Variants in PDE4B observed in about 807,000 individuals in gnomAD.
The protein encoded by PDE4B is phosphodiesterase 4B, also known as 3',5'-cyclic-AMP phosphodiesterase 4B.
A neutral mutation model predicts 82.2 loss-of-function variants in PDE4B; 20 were observed. The observed-to-expected ratio is 0.24, with a 90% CI of 0.17 to 0.35. The LOEUF is 0.35. PDE4B is among the 10% of genes least tolerant of loss of function. The pLI, the probability that PDE4B is intolerant of heterozygous loss-of-function variation, is 1.00. For synonymous variants in PDE4B, 320 were observed against 318.9 expected, an observed-to-expected ratio of 1.00 and a Z score of -0.04; for missense variants, 655 against 907.2, an observed-to-expected ratio of 0.72 and a Z score of 3.57.
chr1:66,000,833 CAA>C (rs1651825913), intron 3 of PDE4B, among the ~76,000 whole-genome samples: 1 of 152,146 alleles, frequency 6.6e-6, no homozygotes, highest in Non-Finnish European at 1.5e-5. Flanking sequence ...AGTGTAGCTT[CAA>C]AGAGTGCTTC....
chr1:66,182,254 A>G (rs550644761), intron 3 of PDE4B, among the ~76,000 whole-genome samples: 2 of 151,974 alleles, frequency 1.3e-5, no homozygotes, highest in South Asian at 4.2e-4. Flanking sequence ...TTATATCTGT[A>G]CCTATTTTTT....
chr1:65,890,584 C>T (rs1646842157), intron 1 of PDE4B, among the ~76,000 whole-genome samples: 1 of 151,844 alleles, frequency 6.6e-6, no homozygotes, highest in East Asian at 1.9e-4. Flanking sequence ...ACAGAATAAA[C>T]AAGTTAACCA....
At chr1:66,009,733 A>G (rs1051039257) in intron 3 of PDE4B, among the ~76,000 whole-genome samples, 1 of 152,092 alleles carries the variant, frequency 6.6e-6, no homozygotes, top group Non-Finnish European at 1.5e-5. Flanking sequence ...TCTTGAATTC[A>G]TCTAATTGGA....
intron 6 of PDE4B, among the ~76,000 whole-genome samples, chr1:66,263,688 A>G (rs1570581941): frequency 6.6e-6 from 1 of 152,196 alleles, no homozygotes; most frequent in East Asian, 1.9e-4. Flanking sequence ...AAAGGTACAA[A>G]TAAAGCACCA....
intron 1 of PDE4B, among the ~76,000 whole-genome samples, chr1:65,872,215 C>G (rs1436418166): frequency 6.6e-6 from 1 of 152,086 alleles, no homozygotes; most frequent in Non-Finnish European, 1.5e-5. Flanking sequence ...TGACTGCTCA[C>G]CAAATTACTT....
chr1:66,090,621 A>ATATATGTGTGTGTG lies in PDE4B; in HGVS notation c.282-156838_282-156837insATATGTGTGTGTGT. Among the ~76,000 whole-genome samples the ATATATGTGTGTGTG allele has an allele frequency of 1.8e-3, 224 of 122,710 alleles. 15 individuals carry two copies. Among genetic ancestry groups the ATATATGTGTGTGTG allele is most frequent in the Middle Eastern group, 7.8e-3 (2 of 258 alleles). 80.5% of individuals were successfully genotyped at this position (122,710 alleles called of 152,430 possible). On this transcript the variant is annotated intron_variant, in intron 3 of 16. Coordinates refer to ENST00000341517, the MANE Select transcript of PDE4B (RefSeq NM_002600.4). ...TTATATATATATATGTATATAATAT[A>ATATATGTGTGTGTG]TGTGTGTGTGTGTGTGTGTATGTAC... is the stretch of plus-strand genomic sequence containing the variant.
rs1280938757 is a variant in PDE4B at position 66,196,260 on chromosome 1, G to C, written c.282-51200G>C. Among the ~76,000 whole-genome samples the C allele has an allele frequency of 2.0e-5, 3 of 152,330 alleles. No individual in the cohort carries two copies. The East Asian group carries it at 5.8e-4, about 29-fold the overall frequency. ...TTAGGCCCACCTGTGCCACAAACTA[G>C]AAAACCCTGGACAAGTCACTTTTCT... On this transcript the variant is annotated intron_variant, in intron 3 of 16. Coordinates refer to ENST00000341517, the MANE Select transcript of PDE4B (RefSeq NM_002600.4).
At position 66,373,395 on chromosome 1, in the gene PDE4B, A is replaced by G. The variant is rs181156834; in HGVS notation, c.*717A>G. 3.0e-3 allele frequency: 460 copies of G among 152,802 alleles called. No individual in the cohort carries two copies. Among genetic ancestry groups the G allele is most frequent in the Non-Finnish European group, 4.3e-3 (290 of 68,116 alleles). The allele number at this position is 152,802 out of a possible 1,614,324, so 9.5% of individuals were successfully genotyped here. A position where few individuals can be genotyped will look rare whatever the true frequency, so the allele number is the denominator to read the frequency against. ...AACAGTACTTTTAACTTTTTGCTGT[A>G]AACAGAATAAAATTGAACAAATTAG... On this transcript the variant is annotated 3_prime_UTR_variant, in exon 17 of 17. Coordinates refer to ENST00000341517, the MANE Select transcript of PDE4B (RefSeq NM_002600.4).
chr1:66,281,417 C>T (rs1424608969), intron 7 of PDE4B, among the ~76,000 whole-genome samples: 1 of 152,200 alleles, frequency 6.6e-6, no homozygotes, highest in Non-Finnish European at 1.5e-5. Context: ...CCTTTTAACC[C>T]ACTAGAGATC....
chr1:66,349,330 G>T (rs868268220), intron 8 of PDE4B, among the ~76,000 whole-genome samples: 37 of 152,242 alleles, frequency 2.4e-4, no homozygotes, highest in African/African-American at 8.2e-4. Context: ...ATTCATGCTT[G>T]TTTTTCGTTG....
intron 3 of PDE4B, among the ~76,000 whole-genome samples, chr1:66,071,733 T>C (rs1169822142): frequency 2.6e-5 from 4 of 152,118 alleles, no homozygotes; most frequent in Admixed American, 1.3e-4. Flanking sequence ...ATGACAGATT[T>C]TTTGTATCTT....
intron 7 of PDE4B, among the ~76,000 whole-genome samples, chr1:66,291,955 G>T (rs982600135): frequency 4.6e-5 from 7 of 151,908 alleles, no homozygotes; most frequent in African/African-American, 1.7e-4. Context: ...CATAAATGAG[G>T]GATATATGGA....
At chr1:65,907,949 C>T (rs574962733) in intron 1 of PDE4B, among the ~76,000 whole-genome samples, 16 of 152,208 alleles carry the variant, frequency 1.1e-4, no homozygotes, top group East Asian at 5.8e-4. Context: ...AGGGTGGTCT[C>T]GTACCTCGCT....
intron 3 of PDE4B, among the ~76,000 whole-genome samples, chr1:66,200,776 A>G (rs916329344): frequency 4.6e-5 from 7 of 152,328 alleles, no homozygotes; most frequent in East Asian, 1.9e-4. Context: ...TAGATATACA[A>G]TCATGTCATC....
chr1:66,304,839 G>A (rs1305051290), intron 7 of PDE4B, among the ~76,000 whole-genome samples: 1 of 152,096 alleles, frequency 6.6e-6, no homozygotes, highest in Admixed American at 6.6e-5. Context: ...CTTCCTCCAA[G>A]AAGCTCTCCC....
chr1:65,968,129 C>T (rs574904247), intron 3 of PDE4B, among the ~76,000 whole-genome samples: 11 of 151,980 alleles, frequency 7.2e-5, no homozygotes, highest in Middle Eastern at 3.4e-3. Context: ...GACTATGGAC[C>T]GAGAAACCAA....
At chr1:66,362,856 T>C (rs997591779) in intron 10 of PDE4B, among the ~76,000 whole-genome samples, 4 of 152,184 alleles carry the variant, frequency 2.6e-5, no homozygotes, top group African/African-American at 9.7e-5. Context: ...GAGTGATCTC[T>C]ATTCACTTGT....
intron 3 of PDE4B, among the ~76,000 whole-genome samples, chr1:66,039,611 T>G (rs1462242347): frequency 6.6e-6 from 1 of 152,024 alleles, no homozygotes; most frequent in African/African-American, 2.4e-5. Flanking sequence ...TATAATCCCA[T>G]GTATATACAT....
intron 3 of PDE4B, among the ~76,000 whole-genome samples, chr1:66,014,688 T>G (rs1002582187): frequency 1.3e-5 from 2 of 152,264 alleles, no homozygotes; most frequent in East Asian, 3.9e-4. Context: ...AGTTCTCAAC[T>G]GGGGGCTCTT....
Sources: allele counts gnomAD v4.1 joint callset (sites outside exome capture counted in the v4.1 genomes callset), GRCh38; gene constraint gnomAD v4.1.1; transcripts MANE v1.5; gene names NCBI Gene and HGNC (gene_info 2026-07-23, HGNC 2026-07-21).